OR6K3: variants seen among roughly 807,000 people sequenced by gnomAD.
OR6K3 encodes olfactory receptor 6K3.
For synonymous variants in OR6K3, 169 were observed against 137.7 expected (o/e 1.23, Z -1.59); for missense variants, 396 against 382.5 (o/e 1.04, Z -0.29).
upstream of OR6K3, chr1:158,724,840 G>A (rs775157025): frequency 2.3e-5 from 5 of 218,658 alleles, no homozygotes; most frequent in Admixed American, 4.1e-5. Flanking sequence ...TGTGGCAGTT[G>A]TGTACCAGAT....
chr1:158,717,668 G>C lies in OR6K3; in HGVS notation c.448C>G (p.Leu150Val). Residue 150 changes from leucine (L) to valine (V), a missense_variant, in exon 2 of 2, where the codon CTC becomes GTC. Physicochemically the swap from Leu to Val is conservative, Grantham distance 32. Coordinates refer to ENST00000368145, the MANE Select transcript of OR6K3 (RefSeq NM_001005327.3). ...GGAAGCAGGATAAGGAAACCGAAGA[G>C]GCAGGAACCTGCAGAGAGTTGAGCA... is the stretch of plus-strand genomic sequence containing the variant. Reference protein sequence around the residue: ...LCAQLSAGSCLFGFLILLPEI... With the variant: ...LCAQLSAGSCVFGFLILLPEI... 1 of 1,613,800 alleles carries C rather than the reference G, an allele frequency of 6.2e-7. No individual in the cohort carries two copies. Among genetic ancestry groups the C allele is most frequent in the Admixed American group, 1.7e-5 (1 of 59,966 alleles).
chr1:158,721,067 T>C (rs768605502), upstream of OR6K3, among the ~76,000 whole-genome samples: 12 of 152,026 alleles, frequency 7.9e-5, no homozygotes, highest in Non-Finnish European at 1.8e-4. Flanking sequence ...TTTGACATGA[T>C]CCTGGCCTTC....
upstream of OR6K3, among the ~76,000 whole-genome samples, chr1:158,721,687 CCT>C (rs1249936007): frequency 7.3e-5 from 11 of 151,412 alleles, no homozygotes; most frequent in Non-Finnish European, 1.5e-4. Flanking sequence ...TTATTATTTT[CCT>C]CTGTTTTGTT....
chr1:158,716,375 T>C lies in OR6K3; in HGVS notation c.*793A>G, dbSNP rs1016457559. ...CTAAACATGTAATTATTCTAATGAA[T>C]AGGTAACTACATAACTAAAAATAAA... On this transcript the variant is annotated 3_prime_UTR_variant, in exon 2 of 2. Transcript: ENST00000368145. The C allele has an allele frequency of 2.6e-5, 4 of 152,134 alleles. No individual in the cohort carries two copies. The highest frequency in any genetic ancestry group is 9.6e-5 in the African/African-American group (4 of 41,458). 9.4% of individuals were successfully genotyped at this position (152,134 alleles called of 1,614,324 possible).
chr1:158,718,410 G>T (rs1426097638), intron 1 of OR6K3, among the ~76,000 whole-genome samples: 1 of 150,702 alleles, frequency 6.6e-6, no homozygotes, highest in African/African-American at 2.4e-5. Flanking sequence ...AAGTTGCTTA[G>T]CTGTACATCT....
rs760967609 is a variant in OR6K3, at chr1:158,718,223, G to T, written c.-17-91C>A. On this transcript the variant is annotated intron_variant, in intron 1 of 1. Coordinates refer to ENST00000368145, the MANE Select transcript of OR6K3 (RefSeq NM_001005327.3). ...GCTAAACATCTTTGAGAAGTAAGAA[G>T]AACTACCTTGAAGGTTTCATTTTTT... 1.3e-4 allele frequency: 93 copies of T among 704,482 alleles called. 1 individual carries two copies. The highest frequency in any genetic ancestry group is 7.2e-4 in the Admixed American group (28 of 38,670). 43.6% of individuals were successfully genotyped at this position (704,482 alleles called of 1,614,324 possible).
At position 158,718,086 on chromosome 1, in the gene OR6K3, A is replaced by G; in HGVS notation, c.30T>C (p.Thr10=). The G allele has an allele frequency of 6.2e-7, 1 of 1,612,494 alleles. No homozygotes were observed. The highest frequency in any genetic ancestry group is 8.5e-7 in the Non-Finnish European group (1 of 1,179,146). Residue 10 remains threonine (T), a synonymous_variant, in exon 2 of 2, where the codon ACT becomes ACC. Transcript: ENST00000368145. ...GAGGGAATCCAGTGAAGATAAATTCAGTCACTGTTGATTGGTTTCCGCTCT... is the reference window on the plus strand; with the variant it reads ...GAGGGAATCCAGTGAAGATAAATTCGGTCACTGTTGATTGGTTTCCGCTCT... The part of the protein sequence containing the change: MESGNQSTV[T]EFIFTGFPQL...
In OR6K3 at chr1:158,717,801, G is replaced by A. The variant is rs775093765; in HGVS notation, c.315C>T (p.His105=). Residue 105 remains histidine (H), a synonymous_variant, in exon 2 of 2, where the codon CAC becomes CAT. Transcript: ENST00000368145. ...AGATCCCCTCTGAGTTTTCAAGTGA[G>A]TGGAAGAAATACATCTGCAAGATGC... ...TGCILQMYFF[H]SLENSEGILL... 5.6e-6 allele frequency: 9 copies of A among 1,613,762 alleles called. No individual in the cohort carries two copies. The highest frequency in any genetic ancestry group is 4.5e-5 in the East Asian group (2 of 44,862).
chr1:158,724,891 T>C (rs1656354878), upstream of OR6K3: 1 of 215,290 alleles, frequency 4.6e-6, no homozygotes, highest in South Asian at 8.6e-5. Context: ...ATACATGGGG[T>C]TGTGGAGACG....
chr1:158,717,951 G>T lies in OR6K3; in HGVS notation c.165C>A (p.Leu55=). 1 of 1,613,656 alleles carries T rather than the reference G, an allele frequency of 6.2e-7. No homozygotes were observed. The highest frequency in any genetic ancestry group is 8.5e-7 in the Non-Finnish European group (1 of 1,179,726). Residue 55 remains leucine (L), a synonymous_variant, in exon 2 of 2, where the codon CTC becomes CTA. Coordinates refer to ENST00000368145, the MANE Select transcript of OR6K3 (RefSeq NM_001005327.3). ...IFSAVRLDTH[L]HNPMYNFISI... ...TGATAAAATTATACATGGGGTTGTG[G>T]AGATGGGTGTCCAGCCTTACAGCAG...
At chr1:158,723,273 G>C (rs1656321030), upstream of OR6K3, among the ~76,000 whole-genome samples, 1 of 138,036 alleles carries the variant, frequency 7.2e-6, no homozygotes, top group African/African-American at 2.6e-5. Context: ...GGAATGTGCT[G>C]GAGACTACTT....
chr1:158,718,175 G>C, intron 1 of OR6K3, 43 bp from the exon 2 acceptor site: 1 of 1,005,928 alleles, frequency 9.9e-7, no homozygotes, highest in South Asian at 1.5e-5. Context: ...AGAGGGTAGA[G>C]AAAAAAATAA....
upstream of OR6K3, among the ~76,000 whole-genome samples, chr1:158,722,214 G>C (rs1248129977): frequency 6.6e-6 from 1 of 151,944 alleles, no homozygotes; most frequent in African/African-American, 2.4e-5. Context: ...GTGTGTGAGA[G>C]AGAAGGAGAG....
upstream of OR6K3, among the ~76,000 whole-genome samples, chr1:158,723,948 A>C (rs1010342274): frequency 9.2e-5 from 14 of 152,104 alleles, no homozygotes; most frequent in African/African-American, 3.1e-4. Flanking sequence ...CAGGTAGTCC[A>C]TGCTATCTTA....
chr1:158,722,276 C>T (rs1392632537), upstream of OR6K3, among the ~76,000 whole-genome samples: 1 of 151,946 alleles, frequency 6.6e-6, no homozygotes, highest in African/African-American at 2.4e-5. Context: ...ATATGCACAG[C>T]AAATATGGAA....
Position 158,717,866 on chromosome 1 carries a change from T to C in OR6K3, c.250A>G (p.Asn84Asp). The change falls in exon 2 of 2, where the codon AAC becomes GAC. Residue 84 changes from asparagine to aspartate, a missense_variant. Asn to Asp is a conservative substitution (Grantham distance 23). Coordinates refer to ENST00000368145, the MANE Select transcript of OR6K3 (RefSeq NM_001005327.3). ...TTATIPKMLS[N>D]LISEKKAISM... is the part of the protein sequence containing the mutation. ...ATGGCCTTCTTTTCACTGATGAGGT[T>C]GGAGAGCATCTTGGGAATGGTGGCT... The C allele has an allele frequency of 1.2e-6, 2 of 1,613,736 alleles. No homozygotes were observed. Among genetic ancestry groups the C allele is most frequent in the Non-Finnish European group, 1.7e-6 (2 of 1,179,780 alleles).
At chr1:158,719,762 A>T (rs2101986379) in intron 1 of OR6K3, among the ~76,000 whole-genome samples, 1 of 152,228 alleles carries the variant, frequency 6.6e-6, no homozygotes, top group South Asian at 2.1e-4. Flanking sequence ...AAATATTAAT[A>T]CTGGTTAATG....
At chr1:158,720,611 A>G (rs1656262824) in intron 1 of OR6K3, 72 bp downstream of exon 1, 1 of 151,680 alleles carries the variant, frequency 6.6e-6, no homozygotes, top group Non-Finnish European at 1.5e-5. Context: ...AGGTTATGAG[A>G]TGATGATGAT....
chr1:158,719,147 G>T (rs971117408), intron 1 of OR6K3, among the ~76,000 whole-genome samples: 3 of 151,890 alleles, frequency 2.0e-5, no homozygotes, highest in Non-Finnish European at 4.4e-5. Context: ...GTGACGCCCA[G>T]ATAGCTTTAA....
Sources: allele counts gnomAD v4.1 joint callset (sites outside exome capture counted in the v4.1 genomes callset), GRCh38; gene constraint gnomAD v4.1.1; transcripts MANE v1.5; gene names NCBI Gene and HGNC (gene_info 2026-07-23, HGNC 2026-07-21).